The following CADPS2 variants were observed in gnomAD, a reference collection of about 807,000 sequenced individuals.
CADPS2 encodes the protein calcium dependent secretion activator 2, also known as calcium-dependent secretion activator 2.
CADPS2 carries 93 observed loss-of-function variants against 172.5 expected under a neutral mutation model. That is an observed-to-expected ratio of 0.54 (90% CI 0.46 to 0.64). CADPS2 has a LOEUF of 0.64. Among genes scored for constraint, CADPS2 ranks in the 30% least tolerant of loss-of-function variants. The pLI, the probability that CADPS2 is intolerant of heterozygous loss-of-function variation, is 0.00. For synonymous variants in CADPS2, 546 were observed against 555.2 expected (o/e 0.98, Z 0.23); for missense variants, 1,420 against 1,565.9 (o/e 0.91, Z 1.57).
intron 9 of CADPS2, among the ~76,000 whole-genome samples, chr7:122,497,969 T>C (rs2058882451): frequency 6.6e-6 from 1 of 151,956 alleles, no homozygotes; most frequent in South Asian, 2.1e-4. Context: ...TGTAATTTGC[T>C]TTTTTTTGAG....
chr7:122,360,138 A>T (rs933226001), intron 27 of CADPS2, among the ~76,000 whole-genome samples: 1 of 152,184 alleles, frequency 6.6e-6, no homozygotes, highest in Non-Finnish European at 1.5e-5. Flanking sequence ...TTAGGCCTTG[A>T]TCATATAGGT....
intron 1 of CADPS2, among the ~76,000 whole-genome samples, chr7:122,768,639 A>G (rs1003955013): frequency 1.3e-5 from 2 of 152,208 alleles, no homozygotes; most frequent in African/African-American, 4.8e-5. Context: ...GAGATATAAA[A>G]TTCATGATAT....
intron 1 of CADPS2, among the ~76,000 whole-genome samples, chr7:122,862,827 T>C (rs1255394143): frequency 1.3e-5 from 2 of 152,078 alleles, no homozygotes; most frequent in African/African-American, 2.4e-5. Flanking sequence ...TGATCCTAAC[T>C]GGAATAGAAA....
intron 1 of CADPS2, among the ~76,000 whole-genome samples, chr7:122,795,988 A>G (rs1344151981): frequency 1.3e-5 from 2 of 152,208 alleles, no homozygotes; most frequent in African/African-American, 2.4e-5. Flanking sequence ...AAGCTCCTTA[A>G]GTTGATAAGC....
chr7:122,630,950 T>C (rs962565614), intron 3 of CADPS2, among the ~76,000 whole-genome samples: 1 of 152,148 alleles, frequency 6.6e-6, no homozygotes, highest in Non-Finnish European at 1.5e-5. Context: ...TTTTAATTGA[T>C]TAATATGATT....
intron 1 of CADPS2, among the ~76,000 whole-genome samples, chr7:122,841,369 A>C (rs1389630191): frequency 6.6e-6 from 1 of 152,166 alleles, no homozygotes; most frequent in African/African-American, 2.4e-5. Flanking sequence ...CCCAGAAAAA[A>C]AACTAATTAT....
chr7:122,622,090 T>TAA (rs1045154433), intron 4 of CADPS2, among the ~76,000 whole-genome samples: 1 of 152,136 alleles, frequency 6.6e-6, no homozygotes, highest in South Asian at 2.1e-4. Context: ...AACTGGTCTA[T>TAA]AAAAAAATGT....
intron 1 of CADPS2, among the ~76,000 whole-genome samples, chr7:122,869,582 A>G (rs1291409316): frequency 6.6e-6 from 1 of 152,104 alleles, no homozygotes; most frequent in Non-Finnish European, 1.5e-5. Flanking sequence ...AAAAAATGCT[A>G]AAATGTGTCA....
intron 1 of CADPS2, among the ~76,000 whole-genome samples, chr7:122,855,624 A>G (rs1814974439): frequency 6.6e-6 from 1 of 152,184 alleles, no homozygotes; most frequent in Non-Finnish European, 1.5e-5. Flanking sequence ...GAAATTTGGA[A>G]AACAAGAGAT....
rs115584305 is a variant in CADPS2, at chr7:122,455,540, A to G, written c.2187-4065T>C. 4.8e-3 allele frequency among the ~76,000 whole-genome samples: 737 copies of G among 152,116 alleles called. 7 individuals carry two copies. Among genetic ancestry groups the G allele is most frequent in the African/African-American group, 0.017 (704 of 41,506 alleles). ...TGTATCTCTAGTGCTAGAACACCAG[A>G]TGGCATATTGTTGATATTTAATGCA... On this transcript the variant is annotated intron_variant, in intron 14 of 29. Coordinates refer to ENST00000449022, the MANE Select transcript of CADPS2 (RefSeq NM_017954.11).
At chr7:122,861,162 T>G (rs948632247) in intron 1 of CADPS2, among the ~76,000 whole-genome samples, 5 of 152,204 alleles carry the variant, frequency 3.3e-5, no homozygotes, top group African/African-American at 1.2e-4. Flanking sequence ...TTTTTAATTT[T>G]TTTGTGGGAC....
chr7:122,383,476 A>G (rs2043259122), intron 24 of CADPS2, among the ~76,000 whole-genome samples: 1 of 152,152 alleles, frequency 6.6e-6, no homozygotes, highest in Admixed American at 6.6e-5. Flanking sequence ...AATTCTTCGA[A>G]TACTTCAAGT....
intron 7 of CADPS2, among the ~76,000 whole-genome samples, chr7:122,568,498 ATAT>A (rs1190946097): frequency 6.6e-6 from 1 of 152,146 alleles, no homozygotes; most frequent in East Asian, 1.9e-4. Context: ...ATATAATATA[ATAT>A]TTACACCAAA....
Position 122,482,021 on chromosome 7 carries a change from T to A in CADPS2, c.1853-1161A>T, listed in dbSNP as rs150622967. Among the ~76,000 whole-genome samples, 31 of 152,252 alleles carry A rather than the reference T, an allele frequency of 2.0e-4. No homozygotes were observed. In the East Asian group the frequency reaches 5.8e-3, roughly 29 times the overall value. ...ACTTCCTCTCTCTCCAGAGGCAGAC[T>A]CTGTCTAAAAAAATTCTGTATTATT... On this transcript the variant is annotated intron_variant, in intron 11 of 29. Coordinates refer to ENST00000449022, the MANE Select transcript of CADPS2 (RefSeq NM_017954.11).
intron 1 of CADPS2, among the ~76,000 whole-genome samples, chr7:122,884,824 T>C (rs1823878668): frequency 6.6e-6 from 1 of 152,190 alleles, no homozygotes; most frequent in Admixed American, 6.5e-5. Flanking sequence ...ATGTCAATTA[T>C]ACCTCAAAAA....
intron 1 of CADPS2, among the ~76,000 whole-genome samples, chr7:122,847,088 CTTTTT>C (rs995525740): frequency 6.6e-6 from 1 of 151,504 alleles, no homozygotes; most frequent in Non-Finnish European, 1.5e-5. Context: ...ACATTCATAC[CTTTTT>C]TTTTCTTTTT....
At chr7:122,731,391 C>T (rs1264015958) in intron 2 of CADPS2, among the ~76,000 whole-genome samples, 2 of 151,680 alleles carry the variant, frequency 1.3e-5, no homozygotes, top group Non-Finnish European at 2.9e-5. Flanking sequence ...TTCCACATGT[C>T]CACTGTAAAT....
intron 8 of CADPS2, among the ~76,000 whole-genome samples, chr7:122,513,869 G>A (rs945779348): frequency 6.6e-6 from 1 of 152,094 alleles, no homozygotes; most frequent in African/African-American, 2.4e-5. Context: ...CATCATTATG[G>A]GATTTACCTG....
At chr7:122,723,192 A>T (rs1216887665) in intron 2 of CADPS2, among the ~76,000 whole-genome samples, 1 of 152,184 alleles carries the variant, frequency 6.6e-6, no homozygotes, top group African/African-American at 2.4e-5. Context: ...GATCTAATTA[A>T]ACTAAAGAGC....
Sources: allele counts gnomAD v4.1 joint callset (sites outside exome capture counted in the v4.1 genomes callset), GRCh38; gene constraint gnomAD v4.1.1; transcripts MANE v1.5; gene names NCBI Gene and HGNC (gene_info 2026-07-23, HGNC 2026-07-21).